CCDC3: variants seen among roughly 807,000 people sequenced by gnomAD.
The protein encoded by CCDC3 is coiled-coil domain-containing protein 3.
In CCDC3, 24 loss-of-function variants were observed where a neutral mutation model predicts 21.4. The ratio of observed to expected loss-of-function variants is 1.12; its 90% CI spans 0.81 to 1.58. The LOEUF (loss-of-function observed/expected upper bound fraction) is 1.58, where lower values mean the gene tolerates loss of function less well. CCDC3 is among the 40% of genes most tolerant of loss of function. CCDC3 has a pLI of 0.00. For synonymous variants in CCDC3, 186 were observed against 166.0 expected, an observed-to-expected ratio of 1.12 and a Z score of -0.93; for missense variants, 425 against 360.9, an observed-to-expected ratio of 1.18 and a Z score of -1.44.
At chr10:13,017,925 T>C (rs999395086) in intron 5 of CCDC3, among the ~76,000 whole-genome samples, 2 of 152,018 alleles carry the variant, frequency 1.3e-5, no homozygotes, top group Non-Finnish European at 2.9e-5. Flanking sequence ...ACACCTTCAA[T>C]TAAATGTCCA....
At chr10:12,983,505 A>C (rs1006216845) in intron 2 of CCDC3, among the ~76,000 whole-genome samples, 2 of 151,456 alleles carry the variant, frequency 1.3e-5, no homozygotes, top group African/African-American at 4.9e-5. Context: ...TGGGAGGTAG[A>C]GGTTGCAGTG....
At chr10:12,997,652 C>G (rs1165047396) in intron 2 of CCDC3, among the ~76,000 whole-genome samples, 1 of 152,226 alleles carries the variant, frequency 6.6e-6, no homozygotes, top group Non-Finnish European at 1.5e-5. Flanking sequence ...CTTTTCCTTT[C>G]CTCTAAGACA....
intron 4 of CCDC3, among the ~76,000 whole-genome samples, chr10:13,064,767 G>A (rs749273628): frequency 1.3e-5 from 2 of 152,088 alleles, no homozygotes; most frequent in South Asian, 2.1e-4. Context: ...CAGCCTGGGC[G>A]ACAGAATGAG....
intron 2 of CCDC3, among the ~76,000 whole-genome samples, chr10:12,985,237 C>T (rs1339615618): frequency 6.6e-6 from 1 of 152,186 alleles, no homozygotes; most frequent in African/African-American, 2.4e-5. Flanking sequence ...TAGCACTGCA[C>T]ACCTATCAAA....
chr10:12,926,182 G>A (rs1564286552), intron 2 of CCDC3, among the ~76,000 whole-genome samples: 1 of 152,362 alleles, frequency 6.6e-6, no homozygotes, highest in Non-Finnish European at 1.5e-5. Flanking sequence ...GATGCTGGAG[G>A]ACACAGGTGG....
intron 5 of CCDC3, among the ~76,000 whole-genome samples, chr10:13,021,557 T>C (rs1428226932): frequency 6.6e-6 from 1 of 152,218 alleles, no homozygotes; most frequent in Non-Finnish European, 1.5e-5. Flanking sequence ...TTCAGGTCTC[T>C]TTTCTCCTTT....
chr10:12,995,280 T>C (rs1042588026), intron 2 of CCDC3, among the ~76,000 whole-genome samples: 10 of 152,198 alleles, frequency 6.6e-5, no homozygotes, highest in African/African-American at 2.2e-4. Context: ...CTTGGTCTGC[T>C]GCCCAGACTG....
intron 5 of CCDC3, among the ~76,000 whole-genome samples, chr10:13,047,524 A>G (rs1352887675): frequency 2.0e-5 from 3 of 152,228 alleles, no homozygotes; most frequent in Non-Finnish European, 2.9e-5. Flanking sequence ...AGCAAAGACT[A>G]AAGAAACCTG....
At chr10:13,054,791 C>G (rs1836659898) in intron 4 of CCDC3, among the ~76,000 whole-genome samples, 2 of 152,134 alleles carry the variant, frequency 1.3e-5, no homozygotes, top group Non-Finnish European at 2.9e-5. Context: ...TTCGGCCTCC[C>G]AAGTAGCTGG....
At chr10:13,031,683 C>A (rs1007248986) in intron 5 of CCDC3, among the ~76,000 whole-genome samples, 9 of 152,258 alleles carry the variant, frequency 5.9e-5, no homozygotes, top group African/African-American at 2.2e-4. Flanking sequence ...CACAGAAATA[C>A]AAACTACCAT....
intron 2 of CCDC3, among the ~76,000 whole-genome samples, chr10:12,927,394 ACTAG>A (rs1263354608): frequency 6.6e-6 from 1 of 152,234 alleles, no homozygotes; most frequent in African/African-American, 2.4e-5. Context: ...ATTGCTCAAT[ACTAG>A]CTAATACTCA....
At chr10:13,019,625 A>G (rs1836119719) in intron 5 of CCDC3, among the ~76,000 whole-genome samples, 2 of 152,220 alleles carry the variant, frequency 1.3e-5, no homozygotes, top group Non-Finnish European at 2.9e-5. Flanking sequence ...TTAAAAATAC[A>G]TTATAACTTA....
chr10:13,088,322 A>G (rs1837137520), intron 3 of CCDC3, among the ~76,000 whole-genome samples: 1 of 152,238 alleles, frequency 6.6e-6, no homozygotes, highest in Non-Finnish European at 1.5e-5. Context: ...AAAGATAGAA[A>G]GAATCTAATT....
intron 4 of CCDC3, among the ~76,000 whole-genome samples, chr10:13,054,767 A>G (rs558649150): frequency 2.6e-5 from 4 of 152,032 alleles, no homozygotes; most frequent in African/African-American, 9.7e-5. Context: ...TCCTGGTTCA[A>G]ATGATTCTCT....
At chr10:13,053,892 C>T (rs1338975719) in intron 4 of CCDC3, among the ~76,000 whole-genome samples, 4 of 152,108 alleles carry the variant, frequency 2.6e-5, no homozygotes, top group African/African-American at 4.8e-5. Context: ...CTCTTGTAAT[C>T]GCAGCACTTT....
intron 2 of CCDC3, among the ~76,000 whole-genome samples, chr10:12,987,331 T>C (rs990953115): frequency 1.3e-5 from 2 of 152,220 alleles, no homozygotes; most frequent in African/African-American, 4.8e-5. Context: ...GGATTTTCTA[T>C]GTGGATGGAA....
intron 3 of CCDC3, among the ~76,000 whole-genome samples, chr10:13,082,282 T>C (rs1837050751): frequency 1.3e-5 from 2 of 152,246 alleles, no homozygotes; most frequent in African/African-American, 4.8e-5. Context: ...GTGGGTCACA[T>C]GTCCACTGGA....
intron 5 of CCDC3, among the ~76,000 whole-genome samples, chr10:13,043,683 T>C (rs1407941199): frequency 6.6e-6 from 1 of 152,196 alleles, no homozygotes; most frequent in African/African-American, 2.4e-5. Flanking sequence ...AAGGACATGA[T>C]TTCATTCTTT....
At chr10:12,980,892 C>T (rs940487502) in intron 2 of CCDC3, among the ~76,000 whole-genome samples, 7 of 152,128 alleles carry the variant, frequency 4.6e-5, no homozygotes, top group East Asian at 1.9e-4. Flanking sequence ...GCAAGACTCT[C>T]GGCACACTTT....
Sources: gnomAD v4.1 joint callset for allele counts (sites outside exome capture counted in the v4.1 genomes callset) on GRCh38, gnomAD v4.1.1 for gene constraint, MANE v1.5 for transcripts, NCBI Gene and HGNC (gene_info 2026-07-23, HGNC 2026-07-21) for gene names.